The following EPHB1 variants were observed in gnomAD, a reference collection of about 807,000 sequenced individuals.
The protein encoded by EPHB1 is ephrin type-B receptor 1.
EPHB1 carries 30 observed loss-of-function variants against 94.4 expected under a neutral mutation model. That is an observed-to-expected ratio of 0.32 (90% CI 0.24 to 0.43). EPHB1 has a LOEUF of 0.43. Among genes scored for constraint, EPHB1 ranks in the 20% least tolerant of loss-of-function variants. The pLI is 1.00. For synonymous variants in EPHB1, 522 were observed against 489.1 expected (o/e 1.07, Z -0.89); for missense variants, 1,055 against 1,308.3 (o/e 0.81, Z 2.99).
chr3:134,829,564 A>T lies in EPHB1; in HGVS notation c.58+33875A>T, dbSNP rs150989926. ...TCTTTGCAAAAAACTTTTAATTTTG[A>T]AATAATTTCAGACCTAGAGAAAAGT... On this transcript the variant is annotated intron_variant, in intron 1 of 15. Coordinates refer to ENST00000398015, the MANE Select transcript of EPHB1 (RefSeq NM_004441.5). Among the ~76,000 whole-genome samples the T allele has an allele frequency of 1.8e-4, 28 of 152,274 alleles. 1 individual carries two copies. In the East Asian group the frequency reaches 5.0e-3, roughly 27 times the overall value.
At chr3:134,898,039 A>G (rs1230246082) in intron 1 of EPHB1, among the ~76,000 whole-genome samples, 7 of 152,084 alleles carry the variant, frequency 4.6e-5, no homozygotes, top group Non-Finnish European at 2.9e-5. Flanking sequence ...AGGCAAATAA[A>G]TCAATGTTAT....
intron 1 of EPHB1, among the ~76,000 whole-genome samples, chr3:134,860,170 CAG>C (rs1491084613): frequency 3.4e-5 from 5 of 146,380 alleles, no homozygotes; most frequent in Admixed American, 6.7e-5. Flanking sequence ...CACACACACA[CAG>C]ACACACACAC....
chr3:134,811,557 C>CTT (rs555958638), intron 1 of EPHB1, among the ~76,000 whole-genome samples: 10 of 147,984 alleles, frequency 6.8e-5, no homozygotes, highest in South Asian at 2.1e-4. Flanking sequence ...CTTTTTAAGA[C>CTT]TTTTTTTTTT....
intron 3 of EPHB1, among the ~76,000 whole-genome samples, chr3:135,055,431 C>T (rs1937320915): frequency 6.6e-6 from 1 of 152,204 alleles, no homozygotes; most frequent in Non-Finnish European, 1.5e-5. Flanking sequence ...GTTGTCTTAA[C>T]AGAACTCATA....
At chr3:135,107,262 T>C (rs1559832779) in intron 4 of EPHB1, among the ~76,000 whole-genome samples, 1 of 152,124 alleles carries the variant, frequency 6.6e-6, no homozygotes, top group Non-Finnish European at 1.5e-5. Flanking sequence ...CATTATATAA[T>C]ATAGAGGGAA....
intron 2 of EPHB1, among the ~76,000 whole-genome samples, chr3:134,930,921 T>G (rs1241974512): frequency 1.3e-5 from 2 of 152,240 alleles, no homozygotes; most frequent in Admixed American, 6.5e-5. Context: ...TCTCTTGCAC[T>G]GGTCAGAGAA....
At chr3:134,842,694 G>A (rs925616392) in intron 1 of EPHB1, among the ~76,000 whole-genome samples, 3 of 152,098 alleles carry the variant, frequency 2.0e-5, no homozygotes, top group African/African-American at 7.2e-5. Context: ...CTTCAAACAT[G>A]TCTTTCCCAT....
intron 3 of EPHB1, among the ~76,000 whole-genome samples, chr3:135,039,561 C>G (rs889932027): frequency 1.3e-5 from 2 of 152,228 alleles, no homozygotes; most frequent in African/African-American, 4.8e-5. Flanking sequence ...CTGCAGGTCC[C>G]GAGCCCTGCC....
At chr3:134,921,809 A>G (rs183216747) in intron 1 of EPHB1, among the ~76,000 whole-genome samples, 1 of 152,266 alleles carries the variant, frequency 6.6e-6, no homozygotes, top group East Asian at 1.9e-4. Context: ...CTCCCCTCAT[A>G]ATCCTGCCTA....
chr3:135,174,637 A>T (rs1169780933), intron 9 of EPHB1, among the ~76,000 whole-genome samples: 1 of 152,222 alleles, frequency 6.6e-6, no homozygotes. Flanking sequence ...TTCTTAGCAC[A>T]GTGCTGGTTT....
chr3:135,109,031 C>G (rs1472819363), intron 4 of EPHB1, among the ~76,000 whole-genome samples: 1 of 152,136 alleles, frequency 6.6e-6, no homozygotes, highest in African/African-American at 2.4e-5. Context: ...GCCCCACCAG[C>G]AGGGAGGGGT....
At chr3:134,801,540 C>A (rs1457896582) in intron 1 of EPHB1, among the ~76,000 whole-genome samples, 1 of 152,188 alleles carries the variant, frequency 6.6e-6, no homozygotes, top group African/African-American at 2.4e-5. Flanking sequence ...CTCTTATGCA[C>A]TAGCCACTTA....
chr3:135,081,267 T>C (rs1938153789), intron 3 of EPHB1, among the ~76,000 whole-genome samples: 2 of 152,186 alleles, frequency 1.3e-5, no homozygotes, highest in Non-Finnish European at 2.9e-5. Flanking sequence ...TTGGGGATAA[T>C]TATTTTAAGC....
intron 1 of EPHB1, among the ~76,000 whole-genome samples, chr3:134,834,044 G>T (rs1041022974): frequency 3.3e-5 from 5 of 152,132 alleles, no homozygotes; most frequent in Non-Finnish European, 5.9e-5. Flanking sequence ...TGGAGGGGAG[G>T]CAGCTAAGAT....
intron 1 of EPHB1, among the ~76,000 whole-genome samples, chr3:134,860,170 C>G (rs975630075): frequency 2.1e-5 from 3 of 146,270 alleles, no homozygotes; most frequent in Admixed American, 6.7e-5. Flanking sequence ...CACACACACA[C>G]AGACACACAC....
intron 1 of EPHB1, among the ~76,000 whole-genome samples, chr3:134,884,717 G>T (rs2037827591): frequency 6.6e-6 from 1 of 152,170 alleles, no homozygotes; most frequent in African/African-American, 2.4e-5. Flanking sequence ...CATTTTAAGA[G>T]AACAAGGTAT....
intron 3 of EPHB1, among the ~76,000 whole-genome samples, chr3:135,046,009 G>A (rs186410689): frequency 5.9e-5 from 9 of 152,210 alleles, no homozygotes; most frequent in Admixed American, 3.3e-4. Context: ...GTAATTTAAC[G>A]AAAATAACAT....
chr3:134,906,468 TAATG>T (rs1164987697), intron 1 of EPHB1, among the ~76,000 whole-genome samples: 8 of 152,206 alleles, frequency 5.3e-5, no homozygotes, highest in Non-Finnish European at 4.4e-5. Flanking sequence ...TACAATAAAA[TAATG>T]AATGAAGTGA....
intron 1 of EPHB1, among the ~76,000 whole-genome samples, chr3:134,845,400 G>T (rs776814640): frequency 3.3e-5 from 5 of 152,242 alleles, no homozygotes; most frequent in Non-Finnish European, 7.3e-5. Flanking sequence ...CAGATGCAGA[G>T]ATAAATAAAA....
Sources: gnomAD v4.1 joint callset for allele counts (sites outside exome capture counted in the v4.1 genomes callset) on GRCh38, gnomAD v4.1.1 for gene constraint, MANE v1.5 for transcripts, NCBI Gene and HGNC (gene_info 2026-07-23, HGNC 2026-07-21) for gene names.